The following RMI1 variants were observed in gnomAD, a reference collection of about 807,000 sequenced individuals.
The protein encoded by RMI1 is recQ-mediated genome instability protein 1.
In RMI1, 36 loss-of-function variants were observed where a neutral mutation model predicts 46.7. That is an observed-to-expected ratio of 0.77 (90% confidence interval 0.59 to 1.02). The LOEUF is 1.02. Ranked by LOEUF, RMI1 falls within the 50% of genes least tolerant of loss-of-function variation. The probability of loss-of-function intolerance (pLI) is 0.00; values close to 1 mark genes in which losing one functional copy is unlikely to be tolerated. For missense variants in RMI1, 676 were observed against 713.7 expected (o/e 0.95, Z 0.60); for synonymous variants, 250 against 252.9 (o/e 0.99, Z 0.11).
At chr9:83,981,714 C>T (rs1418726639) in intron 1 of RMI1, among the ~76,000 whole-genome samples, 2 of 152,180 alleles carry the variant, frequency 1.3e-5, no homozygotes, top group East Asian at 1.9e-4. Flanking sequence ...CCACCATTGG[C>T]CGAATACATG....
chr9:84,002,530 TA>T lies in RMI1; in HGVS notation c.1546del (p.Thr516ProfsTer2). 6.2e-7 allele frequency: 1 copy of T among 1,614,032 alleles called. No individual in the cohort carries two copies. Among genetic ancestry groups the T allele is most frequent in the Non-Finnish European group, 8.5e-7 (1 of 1,179,934 alleles). On this transcript the variant is annotated frameshift_variant, in exon 3 of 3. Transcript: ENST00000445877. LOFTEE classifies it high-confidence loss of function. ...VTTVKVKAFI[V>X]TLTGNLSSSG... The stretch of plus-strand genomic sequence containing the variant: ...ACAGTGAAAGTGAAAGCATTTATTG[TA>T]ACCTTAACTGGAAATCTCTCAAGTT...
Position 84,001,381 on chromosome 9 carries a change from C to CA in RMI1, c.396dup (p.Arg133ThrfsTer9), listed in dbSNP as rs780280680. On this transcript the variant is annotated frameshift_variant, in exon 3 of 3. Transcript: ENST00000445877. LOFTEE classifies it high-confidence loss of function. ...CCAAAACCTTGGGAAGCAAAGCCTT[C>CA]ACGAATGTTGATGCTGCAGCTAACT... 6.2e-7 allele frequency: 1 copy of CA among 1,614,112 alleles called. No homozygotes were observed. The highest frequency in any genetic ancestry group is 1.1e-5 in the South Asian group (1 of 91,076).
rs1957758421 is a variant in RMI1 at position 84,002,753 on chromosome 9, C to T, written c.1767C>T (p.Cys589=). 1.2e-6 allele frequency: 2 copies of T among 1,613,614 alleles called. No individual in the cohort carries two copies. The highest frequency in any genetic ancestry group is 1.7e-5 in the Admixed American group (1 of 60,006). Residue 589 remains cysteine (C), a synonymous_variant, in exon 3 of 3, where the codon TGC becomes TGT. Coordinates refer to ENST00000445877, the MANE Select transcript of RMI1 (RefSeq NM_001358291.2). ...QKCQRDLIDL[C]CLMTISFNPS... is the part of the protein sequence containing the mutation. The stretch of plus-strand genomic sequence containing the variant: ...GTCAAAGAGATCTAATAGATTTGTG[C>T]TGTCTAATGACTATTTCATTTAATC...
In RMI1 at chr9:84,001,415, C is replaced by T. The variant is rs755092660; in HGVS notation, c.429C>T (p.Ile143=). Residue 143 remains isoleucine (I), a synonymous_variant, in exon 3 of 3, where the codon ATC becomes ATT. Coordinates refer to ENST00000445877, the MANE Select transcript of RMI1 (RefSeq NM_001358291.2). ...RMLMLQLTDG[I]VQIQGMEYQP... ...TGATGCTGCAGCTAACTGATGGAAT[C>T]GTACAAATACAGGGAATGGAATATC... 31 of 1,613,910 alleles carry T rather than the reference C, an allele frequency of 1.9e-5. No homozygotes were observed. Among genetic ancestry groups the T allele is most frequent in the Non-Finnish European group, 2.4e-5 (28 of 1,180,000 alleles).
intron 1 of RMI1, among the ~76,000 whole-genome samples, chr9:83,986,819 C>CCAAT (rs1288913563): frequency 6.6e-6 from 1 of 152,198 alleles, no homozygotes; most frequent in Non-Finnish European, 1.5e-5. Flanking sequence ...CAGTTCATAA[C>CCAAT]CAATCAGTCT....
chr9:84,002,498 A>G lies in RMI1; in HGVS notation c.1512A>G (p.Glu504=), dbSNP rs776355802. ...TTCTAATGGCCAGCAAACCAAAGGA[A>G]GTTACAACAGTGAAAGTGAAAGCAT... ...LSVLMASKPK[E]VTTVKVKAFI... Residue 504 remains glutamate, a synonymous_variant, in exon 3 of 3, where the codon GAA becomes GAG. Transcript: ENST00000445877. The G allele has an allele frequency of 1.2e-6, 2 of 1,614,026 alleles. No homozygotes were observed. Among genetic ancestry groups the G allele is most frequent in the Admixed American group, 1.7e-5 (1 of 60,022 alleles).
At chr9:84,000,900 C>A in intron 2 of RMI1, 51 bp from the exon 3 acceptor site, 2 of 894,618 alleles carry the variant, frequency 2.2e-6, no homozygotes, top group Non-Finnish European at 1.7e-6. Flanking sequence ...ATTACAGAAG[C>A]TGTATTCAAA....
intron 1 of RMI1, among the ~76,000 whole-genome samples, chr9:83,992,724 T>C (rs1169956936): frequency 6.6e-6 from 1 of 152,218 alleles, no homozygotes; most frequent in Non-Finnish European, 1.5e-5. Flanking sequence ...AGATCAATTA[T>C]ATAAAAGTAA....
chr9:83,988,690 G>A (rs1306644113), intron 1 of RMI1, among the ~76,000 whole-genome samples: 2 of 152,186 alleles, frequency 1.3e-5, no homozygotes, highest in African/African-American at 4.8e-5. Context: ...GAGAATTCTA[G>A]TACTTGGTAT....
intron 1 of RMI1, among the ~76,000 whole-genome samples, chr9:83,988,514 G>C (rs972401088): frequency 2.0e-5 from 3 of 152,078 alleles, no homozygotes; most frequent in African/African-American, 7.2e-5. Context: ...GTGTTGCTCA[G>C]GCAGGTATTG....
intron 1 of RMI1, among the ~76,000 whole-genome samples, chr9:83,987,482 C>T (rs992285352): frequency 2.6e-5 from 4 of 151,770 alleles, no homozygotes; most frequent in African/African-American, 9.7e-5. Flanking sequence ...TGGTGTTTAC[C>T]TTCAGTTTTT....
In RMI1 at chr9:84,001,303, TGAGAG is replaced by T. The variant is rs1214390365; in HGVS notation, c.320_324del (p.Arg107LysfsTer6). 28 of 1,614,128 alleles carry T rather than the reference TGAGAG, an allele frequency of 1.7e-5. No homozygotes were observed. The highest frequency in any genetic ancestry group is 2.4e-5 in the Non-Finnish European group (28 of 1,179,986). On this transcript the variant is annotated frameshift_variant, in exon 3 of 3. Coordinates refer to ENST00000445877, the MANE Select transcript of RMI1 (RefSeq NM_001358291.2). LOFTEE classifies it high-confidence loss of function. The stretch of plus-strand genomic sequence containing the variant: ...CCTGCATACTCCCAGATACAGAAGT[TGAGAG>T]GAAAGAATACAACAAATGATCTAGT...
In RMI1 at chr9:84,003,424, A is replaced by C. The variant is rs139895184; in HGVS notation, c.*560A>C. On this transcript the variant is annotated 3_prime_UTR_variant, in exon 3 of 3. Coordinates refer to ENST00000445877, the MANE Select transcript of RMI1 (RefSeq NM_001358291.2). Reference sequence around the variant, plus strand: ...CATAAGATGATTGCTAAAATATTGTACTGGTGTTCGGTGGTGAGTCATATT... The same window carrying C: ...CATAAGATGATTGCTAAAATATTGTCCTGGTGTTCGGTGGTGAGTCATATT... The C allele has an allele frequency of 6.0e-5, 10 of 167,130 alleles. No homozygotes were observed. The highest frequency in any genetic ancestry group is 2.4e-4 in the African/African-American group (10 of 41,526). 10.4% of individuals were successfully genotyped at this position (167,130 alleles called of 1,614,324 possible). A position where few individuals can be genotyped will look rare whatever the true frequency, so the allele number is the denominator to read the frequency against.
chr9:83,995,424 CTT>C (rs5898840), intron 1 of RMI1, among the ~76,000 whole-genome samples: 6 of 139,828 alleles, frequency 4.3e-5, no homozygotes, highest in Admixed American at 7.2e-5. Context: ...TGTGTAATAT[CTT>C]TTTTTTTTTT....
At chr9:83,987,459 A>G (rs1015446332) in intron 1 of RMI1, among the ~76,000 whole-genome samples, 8 of 152,070 alleles carry the variant, frequency 5.3e-5, no homozygotes, top group Non-Finnish European at 8.8e-5. Context: ...TAGTTGTTAC[A>G]TTTCTATTCT....
Position 84,001,480 on chromosome 9 carries a change from C to T in RMI1, c.494C>T (p.Thr165Ile). 6.2e-7 allele frequency: 1 copy of T among 1,613,896 alleles called. No individual in the cohort carries two copies. Among genetic ancestry groups the T allele is most frequent in the Non-Finnish European group, 8.5e-7 (1 of 1,179,964 alleles). The change falls in exon 3 of 3, where the codon ACA (threonine) becomes ATA (isoleucine). Residue 165 changes from threonine (T) to isoleucine (I), a missense_variant. Thr to Ile is a moderately conservative substitution (Grantham distance 89). Coordinates refer to ENST00000445877, the MANE Select transcript of RMI1 (RefSeq NM_001358291.2). The stretch of plus-strand genomic sequence containing the variant: ...CTTCATAGTGATCTTCCTCCAGGTA[C>T]AAAAATTTTGATTTATGGAAATATA... ...PILHSDLPPG[T>I]KILIYGNISF...
chr9:84,000,490 T>G (rs188072465), intron 2 of RMI1, among the ~76,000 whole-genome samples: 1 of 152,272 alleles, frequency 6.6e-6, no homozygotes, highest in East Asian at 1.9e-4. Flanking sequence ...ATATTAAGTT[T>G]GATAATATTT....
At chr9:83,989,541 C>T (rs577979612) in intron 1 of RMI1, among the ~76,000 whole-genome samples, 10 of 151,162 alleles carry the variant, frequency 6.6e-5, no homozygotes, top group African/African-American at 2.4e-4. Context: ...AGACATTTCA[C>T]AAAAGAAGAT....
intron 1 of RMI1, among the ~76,000 whole-genome samples, chr9:83,994,495 A>G (rs1017008335): frequency 2.6e-5 from 4 of 152,182 alleles, no homozygotes; most frequent in African/African-American, 9.7e-5. Flanking sequence ...GATAACGTCC[A>G]TCTTTAATCT....
Sources: gnomAD v4.1 joint callset for allele counts (sites outside exome capture counted in the v4.1 genomes callset) on GRCh38, gnomAD v4.1.1 for gene constraint, MANE v1.5 for transcripts, NCBI Gene and HGNC (gene_info 2026-07-23, HGNC 2026-07-21) for gene names.